Variants in CPT1A observed in about 807,000 individuals in gnomAD.
CPT1A encodes carnitine palmitoyltransferase 1A, also known as carnitine O-palmitoyltransferase 1, liver isoform.
A neutral mutation model predicts 100.8 loss-of-function variants in CPT1A; 64 were observed. That is an observed-to-expected ratio of 0.63 (90% CI 0.52 to 0.78). The LOEUF (loss-of-function observed/expected upper bound fraction) is 0.78, where lower values mean the gene tolerates loss of function less well. Among genes scored for constraint, CPT1A ranks in the 30% least tolerant of loss-of-function variants. CPT1A has a pLI of 0.00. For missense variants in CPT1A, 802 were observed against 1,034.1 expected, an observed-to-expected ratio of 0.78 and a Z score of 3.08; for synonymous variants, 363 against 396.0, an observed-to-expected ratio of 0.92 and a Z score of 0.99.
chr11:68,838,282 G>C (rs1857061288), intron 1 of CPT1A, among the ~76,000 whole-genome samples: 2 of 151,942 alleles, frequency 1.3e-5, no homozygotes, highest in Admixed American at 1.3e-4. Flanking sequence ...AAAAGGCAAA[G>C]GCAGACACTT....
At chr11:68,760,146 C>T (rs868644899) in intron 17 of CPT1A, 79 bp downstream of exon 17, 17 of 998,780 alleles carry the variant, frequency 1.7e-5, no homozygotes, top group South Asian at 1.5e-4. Context: ...GCACCCAGCA[C>T]GGAGATGGGC....
chr11:68,798,962 G>C (rs1322315922), intron 6 of CPT1A, among the ~76,000 whole-genome samples: 1 of 152,106 alleles, frequency 6.6e-6, no homozygotes, highest in Non-Finnish European at 1.5e-5. Flanking sequence ...AGGAGTTTGA[G>C]ACCAGCCTGG....
intron 14 of CPT1A, among the ~76,000 whole-genome samples, chr11:68,771,409 C>T (rs531018029): frequency 2.4e-4 from 36 of 152,314 alleles, no homozygotes; most frequent in African/African-American, 8.7e-4. Context: ...CAACTGCTTG[C>T]ATGCCCTCAT....
At chr11:68,779,493 A>G (rs1004045541) in intron 12 of CPT1A, among the ~76,000 whole-genome samples, 26 of 145,322 alleles carry the variant, frequency 1.8e-4, no homozygotes, top group African/African-American at 6.7e-4. Context: ...CGAATTATTA[A>G]AAAAAAAAAA....
Position 68,803,995 on chromosome 11 carries a change from C to T in CPT1A, c.555+5G>A. 6.2e-7 allele frequency: 1 copy of T among 1,609,790 alleles called. No homozygotes were observed. Among genetic ancestry groups the T allele is most frequent in the Non-Finnish European group, 8.5e-7 (1 of 1,176,068 alleles). ...ATTTCAGTGTGAGGCCTAAGCCACACCTACCCTGTTCACAGTGTCTTTGAC... is the reference window on the plus strand; with the variant it reads ...ATTTCAGTGTGAGGCCTAAGCCACATCTACCCTGTTCACAGTGTCTTTGAC... On this transcript the variant is annotated splice_donor_5th_base_variant and intron_variant, in intron 5 of 18. Coordinates refer to ENST00000265641, the MANE Select transcript of CPT1A (RefSeq NM_001876.4).
At chr11:68,777,540 C>T (rs1216177708) in intron 12 of CPT1A, among the ~76,000 whole-genome samples, 1 of 152,234 alleles carries the variant, frequency 6.6e-6, no homozygotes, top group Non-Finnish European at 1.5e-5. Flanking sequence ...AGGTCAGTCC[C>T]CATCTGTGTA....
chr11:68,823,587 G>C (rs1055800177), intron 1 of CPT1A, among the ~76,000 whole-genome samples: 1 of 151,852 alleles, frequency 6.6e-6, no homozygotes, highest in African/African-American at 2.4e-5. Context: ...TCAGGAGTTC[G>C]AGAACAGCCT....
intron 14 of CPT1A, among the ~76,000 whole-genome samples, chr11:68,770,111 A>C (rs1419874354): frequency 6.6e-6 from 1 of 150,882 alleles, no homozygotes; most frequent in Non-Finnish European, 1.5e-5. Context: ...TATGGTTCTG[A>C]AGTTTTTTTT....
rs747322488 is a variant in CPT1A, at chr11:68,779,337, C to T, written c.1458+1303G>A. On this transcript the variant is annotated intron_variant, in intron 12 of 18. Transcript: ENST00000265641. ...TCTCAAGTCTCATCACAACAAGTGA[C>T]CACAGTATTTTCTGTGTCAAGTCTA... Among the ~76,000 whole-genome samples the T allele has an allele frequency of 6.0e-4, 92 of 152,138 alleles. 2 individuals carry two copies. The highest frequency in any genetic ancestry group is 4.6e-4 in the Non-Finnish European group (31 of 68,008).
intron 14 of CPT1A, among the ~76,000 whole-genome samples, chr11:68,772,597 C>T (rs1206249522): frequency 6.6e-6 from 1 of 152,078 alleles, no homozygotes; most frequent in Non-Finnish European, 1.5e-5. Context: ...GCCCATGGCA[C>T]CTCCAAGTGG....
At chr11:68,773,955 G>A (rs967840784) in intron 13 of CPT1A, 5 of 192,076 alleles carry the variant, frequency 2.6e-5, no homozygotes, top group South Asian at 1.0e-4. Context: ...GTGAGCATGC[G>A]CACAACTCCA....
At chr11:68,840,749 T>C (rs1260992726) in intron 1 of CPT1A, among the ~76,000 whole-genome samples, 1 of 152,234 alleles carries the variant, frequency 6.6e-6, no homozygotes, top group Non-Finnish European at 1.5e-5. Flanking sequence ...TGGCCTCTCC[T>C]GACAAACCGA....
intron 3 of CPT1A, among the ~76,000 whole-genome samples, 186 bp from the exon 4 acceptor site, chr11:68,807,824 C>T (rs1856090524): frequency 6.6e-6 from 1 of 152,252 alleles, no homozygotes; most frequent in African/African-American, 2.4e-5. Context: ...GCACTCTCCT[C>T]CTCACCCCAA....
Position 68,799,342 on chromosome 11 carries a change from A to G in CPT1A, c.569T>C (p.Val190Ala). The G allele has an allele frequency of 1.9e-6, 3 of 1,613,924 alleles. No individual in the cohort carries two copies. Among genetic ancestry groups the G allele is most frequent in the Non-Finnish European group, 2.5e-6 (3 of 1,179,908 alleles). The change falls in exon 6 of 19, where the codon GTG (valine) becomes GCG (alanine). Residue 190 changes from valine to alanine, a missense_variant. This residue lies in a region of CPT1A where 627 missense variants were observed against 799.3 expected (regional missense o/e 0.78). Coordinates refer to ENST00000265641, the MANE Select transcript of CPT1A (RefSeq NM_001876.4). The stretch of plus-strand genomic sequence containing the variant: ...GTCTTCTTCCTTCATAAGAGGCCTC[A>G]CCGACTGTAGATACTGGGATTATTG... The part of the protein sequence containing the change: ...KDTVNRYLQS[V>A]RPLMKEEDFK...
At chr11:68,784,730 C>CA in intron 10 of CPT1A, 85 bp downstream of exon 10, 1 of 1,366,984 alleles carries the variant, frequency 7.3e-7, no homozygotes. Context: ...CCAGGATTCC[C>CA]ACAGGCCCTG....
At chr11:68,775,667 C>G (rs982035946) in intron 12 of CPT1A, among the ~76,000 whole-genome samples, 2 of 152,212 alleles carry the variant, frequency 1.3e-5, no homozygotes, top group African/African-American at 4.8e-5. Flanking sequence ...GCTCTCCTTT[C>G]ACTGGCAAGT....
chr11:68,781,781 A>C lies in CPT1A; in HGVS notation c.1342T>G (p.Cys448Gly). ...SYAKSLLHGR[C>G]YDRWFDKSFT... ...AGGTAAGGACGGTACCTGTCGTAAC[A>C]TCGGCCGTGTAGTAGAGATTTGGCG... The change falls in exon 11 of 19, where the codon TGT (cysteine) becomes GGT (glycine). Residue 448 changes from cysteine to glycine, a missense_variant. Physicochemically the swap from Cys to Gly is radical, Grantham distance 159. Coordinates refer to ENST00000265641, the MANE Select transcript of CPT1A (RefSeq NM_001876.4). 6.2e-7 allele frequency: 1 copy of C among 1,614,190 alleles called. No homozygotes were observed. The highest frequency in any genetic ancestry group is 8.5e-7 in the Non-Finnish European group (1 of 1,180,030).
intron 9 of CPT1A, among the ~76,000 whole-genome samples, chr11:68,789,270 T>C (rs894819612): frequency 2.0e-5 from 3 of 152,174 alleles, no homozygotes; most frequent in Non-Finnish European, 2.9e-5. Context: ...TTTGGGGAAT[T>C]TGAATGGTCT....
At chr11:68,825,347 C>T (rs1417804345) in intron 1 of CPT1A, among the ~76,000 whole-genome samples, 1 of 152,088 alleles carries the variant, frequency 6.6e-6, no homozygotes, top group Admixed American at 6.5e-5. Flanking sequence ...TCCAAGTGCC[C>T]CAGGTGCCCA....
Sources: gnomAD v4.1 joint callset for allele counts (sites outside exome capture counted in the v4.1 genomes callset) on GRCh38, gnomAD v4.1.1 for gene constraint, gnomAD v4.1.1 regional missense constraint, MANE v1.5 for transcripts, NCBI Gene and HGNC (gene_info 2026-07-23, HGNC 2026-07-21) for gene names.